RXRA: variants seen among roughly 807,000 people sequenced by gnomAD.
The protein encoded by RXRA is retinoid X receptor alpha.
A neutral mutation model predicts 44.5 loss-of-function variants in RXRA; 5 were observed. That is an observed-to-expected ratio of 0.11 (90% CI 0.06 to 0.24). RXRA has a LOEUF of 0.24. RXRA is among the 10% of genes least tolerant of loss of function. RXRA has a pLI of 1.00. For synonymous variants in RXRA, 291 were observed against 271.4 expected, an observed-to-expected ratio of 1.07 and a Z score of -0.71; for missense variants, 412 against 646.5, an observed-to-expected ratio of 0.64 and a Z score of 3.93.
rs1031628656 is a variant in RXRA, at chr9:134,335,807, G to A, written c.28+9148G>A. Among the ~76,000 whole-genome samples the A allele has an allele frequency of 2.6e-5, 4 of 152,106 alleles. No individual in the cohort carries two copies. In the East Asian group the frequency reaches 7.7e-4, roughly 29 times the overall value. ...CCCAGGGTGTGTCCACTACTGGGAG[G>A]AACGGCTGGGGCCCTTCCCTACCAC... is the stretch of plus-strand genomic sequence containing the variant. On this transcript the variant is annotated intron_variant, in intron 1 of 9. Transcript: ENST00000481739.
intron 1 of RXRA, among the ~76,000 whole-genome samples, chr9:134,392,406 C>G (rs1254408968): frequency 6.6e-6 from 1 of 152,204 alleles, no homozygotes; most frequent in Non-Finnish European, 1.5e-5. Flanking sequence ...TCAGGACTCT[C>G]CGGGGCCCCT....
At chr9:134,411,676 A>G (rs574271801) in intron 4 of RXRA, among the ~76,000 whole-genome samples, 21 of 152,318 alleles carry the variant, frequency 1.4e-4, no homozygotes, top group African/African-American at 5.1e-4. Flanking sequence ...CAGGATTCTG[A>G]GGCGTGAACT....
rs945357431 is a variant in RXRA, at chr9:134,433,073, C to G, written c.1136-1029C>G. 3.3e-5 allele frequency among the ~76,000 whole-genome samples: 5 copies of G among 152,096 alleles called. No individual in the cohort carries two copies. The highest frequency in any genetic ancestry group is 2.4e-5 in the African/African-American group (1 of 41,422). On this transcript the variant is annotated intron_variant, in intron 8 of 9. Coordinates refer to ENST00000481739, the MANE Select transcript of RXRA (RefSeq NM_002957.6). The surrounding 1 kb of genome is among the most constrained non-coding windows in gnomAD (Gnocchi z 4.2). ...AGTGGAGCCCTCTCGGCTCCTGGCC[C>G]TGACCTTCTGACCTTGCCCTTTGTC...
intron 1 of RXRA, among the ~76,000 whole-genome samples, chr9:134,353,571 G>A (rs1277768368): frequency 1.3e-5 from 2 of 152,210 alleles, no homozygotes; most frequent in Non-Finnish European, 2.9e-5. Flanking sequence ...ACGGCCCCAC[G>A]AGTCCACGAG....
At chr9:134,367,288 C>T (rs1410521727) in intron 1 of RXRA, among the ~76,000 whole-genome samples, 2 of 152,198 alleles carry the variant, frequency 1.3e-5, no homozygotes, top group Admixed American at 6.5e-5. Context: ...ATCTTCACAG[C>T]AGTCTAGGTG....
intron 1 of RXRA, among the ~76,000 whole-genome samples, chr9:134,329,168 C>G (rs1343136592): frequency 6.6e-6 from 1 of 152,214 alleles, no homozygotes; most frequent in African/African-American, 2.4e-5. Context: ...GCTGACCACT[C>G]TTGGAGTTGG....
At position 134,417,995 on chromosome 9, in the gene RXRA, C is replaced by A. The variant is rs1831268238; in HGVS notation, c.780+668C>A. ...TCCTGGAGGTGTTGGATTCAAGACC[C>A]CCTGGCCTCGCCCTCCTCTCCTTGG... On this transcript the variant is annotated intron_variant, in intron 5 of 9. Coordinates refer to ENST00000481739, the MANE Select transcript of RXRA (RefSeq NM_002957.6). This position sits in a 1 kb window ranked among gnomAD's most constrained non-coding sequence, Gnocchi z 6.1. Among the ~76,000 whole-genome samples the A allele has an allele frequency of 6.6e-6, 1 of 152,100 alleles. No homozygotes were observed. Among genetic ancestry groups the A allele is most frequent in the South Asian group, 2.1e-4 (1 of 4,822 alleles).
chr9:134,425,995 G>C, intron 6 of RXRA: 1 of 985,330 alleles, frequency 1.0e-6, no homozygotes, highest in Non-Finnish European at 1.2e-6. Context: ...ACTCTGTGCT[G>C]TTCCTTCCGG....
chr9:134,393,997 A>C (rs1189190327), intron 1 of RXRA, among the ~76,000 whole-genome samples: 1 of 151,470 alleles, frequency 6.6e-6, no homozygotes, highest in Non-Finnish European at 1.5e-5. Context: ...CCAAAACACC[A>C]TCCCCTTGCT....
intron 9 of RXRA, among the ~76,000 whole-genome samples, chr9:134,435,521 A>G (rs1831605085): frequency 1.3e-5 from 2 of 152,030 alleles, no homozygotes; most frequent in Non-Finnish European, 2.9e-5. Flanking sequence ...CAGCAGAGCT[A>G]TTTCTGAGGA....
At chr9:134,409,473 T>C (rs1831112908) in intron 4 of RXRA, among the ~76,000 whole-genome samples, 2 of 152,246 alleles carry the variant, frequency 1.3e-5, no homozygotes, top group Non-Finnish European at 2.9e-5. Flanking sequence ...CGAGGCCAAC[T>C]CTGTGGCACC....
At chr9:134,384,131 A>G (rs1407945335) in intron 1 of RXRA, among the ~76,000 whole-genome samples, 1 of 151,428 alleles carries the variant, frequency 6.6e-6, no homozygotes, top group Non-Finnish European at 1.5e-5. Flanking sequence ...GGAGTCCCAG[A>G]CCCTCCACAC....
intron 6 of RXRA, chr9:134,422,413 C>G: frequency 7.8e-7 from 1 of 1,279,238 alleles, no homozygotes; most frequent in Non-Finnish European, 1.0e-6. Context: ...CCGTGACATT[C>G]CACTCTCCCT....
intron 1 of RXRA, among the ~76,000 whole-genome samples, chr9:134,362,268 A>G (rs575064160): frequency 6.2e-4 from 95 of 152,222 alleles, no homozygotes; most frequent in African/African-American, 2.1e-3. Context: ...AGCTCCCAGC[A>G]AGCCTTGACC....
At chr9:134,392,454 C>T (rs1830814515) in intron 1 of RXRA, among the ~76,000 whole-genome samples, 1 of 152,226 alleles carries the variant, frequency 6.6e-6, no homozygotes, top group South Asian at 2.1e-4. Flanking sequence ...AGCCCACCTC[C>T]TCCCTGTACC....
In RXRA at chr9:134,365,178, C is replaced by G. The variant is rs914522419; in HGVS notation, c.29-36454C>G. Among the ~76,000 whole-genome samples the G allele has an allele frequency of 6.6e-6, 1 of 152,248 alleles. No individual in the cohort carries two copies. The highest frequency in any genetic ancestry group is 2.4e-5 in the African/African-American group (1 of 41,468). On this transcript the variant is annotated intron_variant, in intron 1 of 9. Coordinates refer to ENST00000481739, the MANE Select transcript of RXRA (RefSeq NM_002957.6). This position sits in a 1 kb window ranked among gnomAD's most constrained non-coding sequence, Gnocchi z 4.0. ...GCTGGAGGGCTGATGGCACGCTGGG[C>G]CCGGGAAAGCCCCTCGTGGGCCATC...
intron 1 of RXRA, among the ~76,000 whole-genome samples, chr9:134,374,493 C>G (rs977685829): frequency 2.0e-5 from 3 of 152,214 alleles, no homozygotes; most frequent in Non-Finnish European, 4.4e-5. Flanking sequence ...TCCTGGCTCT[C>G]GGCCCAGGGC....
chr9:134,339,094 GCTGGTGGT>G (rs1220348426), intron 1 of RXRA, among the ~76,000 whole-genome samples: 1 of 146,750 alleles, frequency 6.8e-6, no homozygotes, highest in Non-Finnish European at 1.5e-5. Flanking sequence ...TCGGGGCAGG[GCTGGTGGT>G]CACCCCCCCT....
intron 1 of RXRA, among the ~76,000 whole-genome samples, chr9:134,384,789 T>C (rs907302886): frequency 2.0e-5 from 3 of 152,164 alleles, no homozygotes; most frequent in Admixed American, 6.5e-5. Context: ...GCCCTGGGCT[T>C]TTGTGGGCAG....
Sources: gnomAD v4.1 joint callset for allele counts (sites outside exome capture counted in the v4.1 genomes callset) on GRCh38, gnomAD v4.1.1 for gene constraint, Gnocchi (gnomAD v3.1) non-coding constraint, MANE v1.5 for transcripts, NCBI Gene and HGNC (gene_info 2026-07-23, HGNC 2026-07-21) for gene names.